Variants in DLGAP4 observed in about 807,000 individuals in gnomAD.
The protein encoded by DLGAP4 is DLG associated protein 4.
DLGAP4 carries 18 observed loss-of-function variants against 86.9 expected under a neutral mutation model. That is an observed-to-expected ratio of 0.21 (90% CI 0.14 to 0.31). The LOEUF (loss-of-function observed/expected upper bound fraction) is 0.31, where lower values mean the gene tolerates loss of function less well. Among genes scored for constraint, DLGAP4 ranks in the 10% least tolerant of loss-of-function variants. The pLI is 1.00. For missense variants in DLGAP4, 1,085 were observed against 1,362.6 expected (o/e 0.80, Z 3.21); for synonymous variants, 548 against 574.3 (o/e 0.95, Z 0.65).
chr20:36,426,825 A>T (rs555483336), intron 2 of DLGAP4, among the ~76,000 whole-genome samples: 1 of 152,112 alleles, frequency 6.6e-6, no homozygotes. Flanking sequence ...AGAAGCTGGG[A>T]AAAGGGGAAA....
chr20:36,307,384 C>A (rs1555889589), intron 1 of DLGAP4, among the ~76,000 whole-genome samples: 2 of 152,174 alleles, frequency 1.3e-5, no homozygotes, highest in African/African-American at 4.8e-5. Flanking sequence ...TTGGCCGAAC[C>A]TGCCGCTCCG....
rs1600531084 is a variant in DLGAP4, at chr20:36,439,655, CAGGTG to C, written c.1242-98_1242-94del. 13 of 1,010,598 alleles carry C rather than the reference CAGGTG, an allele frequency of 1.3e-5. No individual in the cohort carries two copies. In the East Asian group the frequency reaches 3.4e-4, roughly 27 times the overall value. 62.6% of individuals were successfully genotyped at this position (1,010,598 alleles called of 1,614,324 possible). ...CACCCTGCGGCTGCAGCGGGCATCA[CAGGTG>C]TGGACCACCTGTGCATCACAGATGG... On this transcript the variant is annotated intron_variant, in intron 4 of 12. Coordinates refer to ENST00000339266, the MANE Select transcript of DLGAP4 (RefSeq NM_001365621.2).
chr20:36,525,908 C>G lies in DLGAP4; in HGVS notation c.2662C>G (p.Leu888Val). Reference protein sequence around the residue: ...AQDLAGFWDLLQLSIEDISMK... With the variant: ...AQDLAGFWDLVQLSIEDISMK... Reference sequence around the variant, plus strand: ...GGACCTGGCAGGGTTCTGGGACCTGCTACAGCTGTCCATCGAGGATATCAG... The same window carrying G: ...GGACCTGGCAGGGTTCTGGGACCTGGTACAGCTGTCCATCGAGGATATCAG... The change falls in exon 12 of 13, where the codon CTA becomes GTA. Residue 888 changes from leucine (L) to valine (V), a missense_variant. Leu to Val is a conservative substitution (Grantham distance 32). Around this residue, in one of 2 missense-constraint regions of DLGAP4, gnomAD observed 1,082 missense variants for 1,344.1 expected, o/e 0.81. Coordinates refer to ENST00000339266, the MANE Select transcript of DLGAP4 (RefSeq NM_001365621.2). 1 of 1,613,918 alleles carries G rather than the reference C, an allele frequency of 6.2e-7. No individual in the cohort carries two copies. The highest frequency in any genetic ancestry group is 2.2e-5 in the East Asian group (1 of 44,862).
chr20:36,355,898 C>T lies in DLGAP4; in HGVS notation c.-303-11147C>T, dbSNP rs111762335. The stretch of plus-strand genomic sequence containing the variant: ...AGCTGTAGGGAAACTGACTCCACCC[C>T]TCCCGTGAGGATAGAGCTCAGGCCC... On this transcript the variant is annotated intron_variant, in intron 1 of 12. Coordinates refer to ENST00000339266, the MANE Select transcript of DLGAP4 (RefSeq NM_001365621.2). 9.2e-3 allele frequency among the ~76,000 whole-genome samples: 1,407 copies of T among 152,320 alleles called. 24 individuals are homozygous for T. The highest frequency in any genetic ancestry group is 0.03 in the African/African-American group (1,229 of 41,562).
chr20:36,389,764 GA>G (rs1203561708), intron 2 of DLGAP4, among the ~76,000 whole-genome samples: 1 of 152,006 alleles, frequency 6.6e-6, no homozygotes, highest in Non-Finnish European at 1.5e-5. Flanking sequence ...AGTAGACAAA[GA>G]AAAAAAGGAA....
chr20:36,383,341 T>A (rs1001004300), intron 2 of DLGAP4, among the ~76,000 whole-genome samples: 1 of 152,194 alleles, frequency 6.6e-6, no homozygotes, highest in Non-Finnish European at 1.5e-5. Context: ...GGATGAGTGA[T>A]GGAGTGGGAC....
intron 2 of DLGAP4, among the ~76,000 whole-genome samples, chr20:36,400,310 A>G (rs2032119891): frequency 6.6e-6 from 1 of 152,222 alleles, no homozygotes; most frequent in Non-Finnish European, 1.5e-5. Flanking sequence ...ATTCAACAGC[A>G]CATCTTTCTC....
intron 2 of DLGAP4, among the ~76,000 whole-genome samples, chr20:36,410,977 T>TTTTTGTTTTG (rs555027714): frequency 1.3e-5 from 2 of 151,924 alleles, no homozygotes; most frequent in South Asian, 2.1e-4. Context: ...TTCAAATTCT[T>TTTTTGTTTTG]TTTTGTTTTG....
At chr20:36,383,768 G>A (rs2031487520) in intron 2 of DLGAP4, among the ~76,000 whole-genome samples, 1 of 152,088 alleles carries the variant, frequency 6.6e-6, no homozygotes, top group Admixed American at 6.5e-5. Flanking sequence ...GAGGTCAGGA[G>A]ATCGAGACCA....
intron 7 of DLGAP4, among the ~76,000 whole-genome samples, chr20:36,494,300 C>T (rs1173112401): frequency 1.3e-5 from 2 of 152,188 alleles, no homozygotes; most frequent in Admixed American, 1.3e-4. Flanking sequence ...GCATGTGTTA[C>T]TTTCAAAGAA....
intron 8 of DLGAP4, chr20:36,499,377 G>T: frequency 1.2e-6 from 1 of 838,620 alleles, no homozygotes; most frequent in Non-Finnish European, 1.4e-6. Flanking sequence ...CTGCCCGCCC[G>T]CCCGCCTGCC....
At chr20:36,401,077 C>T (rs1337103114) in intron 2 of DLGAP4, among the ~76,000 whole-genome samples, 5 of 152,068 alleles carry the variant, frequency 3.3e-5, no homozygotes, top group African/African-American at 1.2e-4. Flanking sequence ...GTCCCCCACC[C>T]GCCCAGCAAC....
At chr20:36,336,406 T>C (rs1257961648) in intron 1 of DLGAP4, among the ~76,000 whole-genome samples, 14 of 152,160 alleles carry the variant, frequency 9.2e-5, no homozygotes, top group Non-Finnish European at 1.6e-4. Context: ...GTGTTAAATG[T>C]CGCCTCCTCA....
At chr20:36,502,535 A>G (rs2036190872) in intron 10 of DLGAP4, among the ~76,000 whole-genome samples, 1 of 151,934 alleles carries the variant, frequency 6.6e-6, no homozygotes, top group South Asian at 2.1e-4. Context: ...ATTTTTTTGT[A>G]GGGACAAGGT....
chr20:36,361,978 C>CAAA (rs545997891), intron 1 of DLGAP4, among the ~76,000 whole-genome samples: 5 of 48,410 alleles, frequency 1.0e-4, no homozygotes, highest in African/African-American at 1.4e-4. Context: ...GATTCTGTCT[C>CAAA]AAAAAAAAAA....
chr20:36,523,447 A>G (rs2037505540), intron 10 of DLGAP4, among the ~76,000 whole-genome samples: 1 of 152,224 alleles, frequency 6.6e-6, no homozygotes, highest in Admixed American at 6.5e-5. Flanking sequence ...TATGTTAGTG[A>G]AAGTGGTCCA....
intron 1 of DLGAP4, among the ~76,000 whole-genome samples, chr20:36,351,091 G>A (rs184326869): frequency 2.4e-4 from 36 of 152,366 alleles, no homozygotes; most frequent in Non-Finnish European, 4.3e-4. Context: ...AATGGGGATC[G>A]TAAGAGAGGC....
chr20:36,519,869 C>T (rs2037267133), intron 10 of DLGAP4, among the ~76,000 whole-genome samples: 1 of 152,174 alleles, frequency 6.6e-6, no homozygotes, highest in Admixed American at 6.5e-5. Context: ...TAGCTCACTG[C>T]AGCCTTGACC....
intron 1 of DLGAP4, among the ~76,000 whole-genome samples, chr20:36,338,416 T>A (rs900867346): frequency 2.0e-4 from 31 of 151,764 alleles, no homozygotes; most frequent in African/African-American, 7.0e-4. Flanking sequence ...AAACAAAAAA[T>A]ACAAAATTGG....
Sources: allele counts gnomAD v4.1 joint callset (sites outside exome capture counted in the v4.1 genomes callset), GRCh38; gene constraint gnomAD v4.1.1; regional missense constraint gnomAD v4.1.1; transcripts MANE v1.5; gene names NCBI Gene and HGNC (gene_info 2026-07-23, HGNC 2026-07-21).